Variants in CDH13 observed in about 807,000 individuals in gnomAD.
The protein encoded by CDH13 is cadherin 13, also known as cadherin-13.
Under a neutral mutation model 63.8 loss-of-function variants are expected in CDH13, and 24 were observed. The ratio of observed to expected loss-of-function variants is 0.38; its 90% CI spans 0.27 to 0.53. The LOEUF (loss-of-function observed/expected upper bound fraction) is 0.53. CDH13 is among the 20% of genes least tolerant of loss of function. The pLI is 0.85. For missense variants in CDH13, 1,049 were observed against 903.1 expected, an observed-to-expected ratio of 1.16 and a Z score of -2.07; for synonymous variants, 503 against 355.3, an observed-to-expected ratio of 1.42 and a Z score of -4.67.
intron 7 of CDH13, among the ~76,000 whole-genome samples, chr16:83,591,388 T>C (rs1047845159): frequency 6.6e-6 from 1 of 152,260 alleles, no homozygotes; most frequent in African/African-American, 2.4e-5. Context: ...TGTACTTCCT[T>C]GTCTGAATCT....
intron 4 of CDH13, among the ~76,000 whole-genome samples, chr16:83,208,481 TC>T (rs1489013033): frequency 6.6e-6 from 1 of 152,114 alleles, no homozygotes; most frequent in African/African-American, 2.4e-5. Flanking sequence ...TTTTTTTTTT[TC>T]CTATTTAACG....
chr16:83,333,943 A>G (rs1295534650), intron 5 of CDH13, among the ~76,000 whole-genome samples: 1 of 152,180 alleles, frequency 6.6e-6, no homozygotes, highest in Non-Finnish European at 1.5e-5. Flanking sequence ...CACAAATCTT[A>G]TCTTGCAGTT....
In CDH13 at chr16:83,333,398, G is replaced by A. The variant is rs544323465; in HGVS notation, c.637-11464G>A. 2.0e-5 allele frequency among the ~76,000 whole-genome samples: 3 copies of A among 152,170 alleles called. No individual in the cohort carries two copies. In the South Asian group the frequency reaches 6.2e-4, roughly 32 times the overall value. ...GGAATGACTGATTTCCTTACGGAGC[G>A]GGGGTGGTCCTATGGGGATGATTGG... On this transcript the variant is annotated intron_variant, in intron 5 of 13. Coordinates refer to ENST00000567109, the MANE Select transcript of CDH13 (RefSeq NM_001257.5).
chr16:82,643,967 C>T (rs146670952), intron 1 of CDH13, among the ~76,000 whole-genome samples: 1 of 151,968 alleles, frequency 6.6e-6, no homozygotes, highest in African/African-American at 2.4e-5. Context: ...CCATGCTGGT[C>T]TCGAACTCCT....
chr16:82,818,428 C>T (rs1257965999), intron 1 of CDH13, among the ~76,000 whole-genome samples: 1 of 152,066 alleles, frequency 6.6e-6, no homozygotes, highest in Non-Finnish European at 1.5e-5. Flanking sequence ...GTATGTTCAT[C>T]GAGCTACTCA....
chr16:83,066,050 G>A (rs2031985398), intron 3 of CDH13, among the ~76,000 whole-genome samples: 1 of 152,222 alleles, frequency 6.6e-6, no homozygotes. Context: ...CATAAGAGCT[G>A]TAAAGGAAAA....
intron 4 of CDH13, among the ~76,000 whole-genome samples, chr16:83,186,019 GCATTTAGT>G (rs952916167): frequency 2.8e-4 from 43 of 151,740 alleles, no homozygotes; most frequent in African/African-American, 1.0e-3. Flanking sequence ...CTGATAAACA[GCATTTAGT>G]CATTTAGTCA....
intron 6 of CDH13, among the ~76,000 whole-genome samples, chr16:83,477,642 G>A (rs2073640794): frequency 6.6e-6 from 1 of 152,104 alleles, no homozygotes; most frequent in African/African-American, 2.4e-5. Flanking sequence ...GAGGAGGAAG[G>A]GCAAAATGTT....
At position 82,738,576 on chromosome 16, in the gene CDH13, C is replaced by T. The variant is rs1054514173; in HGVS notation, c.45+111439C>T. Among the ~76,000 whole-genome samples, 3 of 152,334 alleles carry T rather than the reference C, an allele frequency of 2.0e-5. No homozygotes were observed. In the East Asian group the frequency reaches 5.8e-4, roughly 29 times the overall value. ...GCTACCTTTTCTTAATGCACTTTTA[C>T]ACTTTTCTCCATGCTGTAACTAAAC... On this transcript the variant is annotated intron_variant, in intron 1 of 13. Transcript: ENST00000567109.
intron 1 of CDH13, among the ~76,000 whole-genome samples, chr16:82,712,645 T>G (rs2032037147): frequency 6.6e-6 from 1 of 152,184 alleles, no homozygotes; most frequent in Non-Finnish European, 1.5e-5. Context: ...TCAGTCTACA[T>G]AAATGTTTAA....
chr16:83,139,702 A>C (rs942693328), intron 4 of CDH13, among the ~76,000 whole-genome samples: 1 of 152,152 alleles, frequency 6.6e-6, no homozygotes, highest in African/African-American at 2.4e-5. Context: ...ACATTGAAAA[A>C]TAATAATATA....
chr16:83,254,644 C>T (rs1905987963), intron 5 of CDH13, among the ~76,000 whole-genome samples: 1 of 152,090 alleles, frequency 6.6e-6, no homozygotes, highest in Admixed American at 6.5e-5. Context: ...TTGTGCAAGC[C>T]ACCGCAAATC....
chr16:83,557,024 G>C (rs1217134309), intron 7 of CDH13, among the ~76,000 whole-genome samples: 3 of 152,226 alleles, frequency 2.0e-5, no homozygotes, highest in Admixed American at 6.5e-5. Flanking sequence ...TGAGCAGTGG[G>C]TGAGCGAACG....
intron 2 of CDH13, among the ~76,000 whole-genome samples, chr16:82,865,990 C>G (rs1227164833): frequency 6.6e-6 from 1 of 152,140 alleles, no homozygotes; most frequent in Non-Finnish European, 1.5e-5. Flanking sequence ...CTGCCAGATA[C>G]CCTAAATCAC....
intron 1 of CDH13, among the ~76,000 whole-genome samples, chr16:82,784,645 T>G (rs1033766248): frequency 2.6e-5 from 4 of 152,252 alleles, no homozygotes; most frequent in African/African-American, 9.6e-5. Flanking sequence ...AATTACACTT[T>G]GGATAAGGGT....
chr16:82,814,507 A>G (rs2037605989), intron 1 of CDH13, among the ~76,000 whole-genome samples: 1 of 152,162 alleles, frequency 6.6e-6, no homozygotes, highest in Non-Finnish European at 1.5e-5. Flanking sequence ...CCCAAAGGAC[A>G]GGGGTTAAAG....
intron 2 of CDH13, among the ~76,000 whole-genome samples, chr16:82,913,210 G>T (rs1335991167): frequency 6.6e-6 from 1 of 152,142 alleles, no homozygotes; most frequent in Non-Finnish European, 1.5e-5. Flanking sequence ...GGTACAAAAT[G>T]AATTGGAGTT....
intron 4 of CDH13, among the ~76,000 whole-genome samples, chr16:83,206,877 G>C (rs2039198423): frequency 1.4e-5 from 2 of 140,444 alleles, no homozygotes; most frequent in Non-Finnish European, 3.1e-5. Context: ...TTCACAAAAG[G>C]GCCTTGACCT....
At chr16:82,956,212 C>G (rs1398694964) in intron 2 of CDH13, among the ~76,000 whole-genome samples, 2 of 152,114 alleles carry the variant, frequency 1.3e-5, no homozygotes, top group East Asian at 3.9e-4. Context: ...GCTTCTCTCA[C>G]CTACCCTCTA....
Sources: allele counts gnomAD v4.1 joint callset (sites outside exome capture counted in the v4.1 genomes callset), GRCh38; gene constraint gnomAD v4.1.1; transcripts MANE v1.5; gene names NCBI Gene and HGNC (gene_info 2026-07-23, HGNC 2026-07-21).